KSR2: variants seen among roughly 807,000 people sequenced by gnomAD.
KSR2 encodes the protein kinase suppressor of ras 2.
In KSR2, 25 loss-of-function variants were observed where a neutral mutation model predicts 107.8. That is an observed-to-expected ratio of 0.23 (90% CI 0.17 to 0.32). The LOEUF is 0.32. Among genes scored for constraint, KSR2 ranks in the 10% least tolerant of loss-of-function variants. The probability of loss-of-function intolerance (pLI) is 1.00; values close to 1 mark genes in which losing one functional copy is unlikely to be tolerated. For missense variants in KSR2, 887 were observed against 1,268.9 expected (o/e 0.70, Z 4.57); for synonymous variants, 480 against 507.0 (o/e 0.95, Z 0.71).
chr12:117,629,650 T>C (rs1882714815), intron 5 of KSR2, among the ~76,000 whole-genome samples: 1 of 152,214 alleles, frequency 6.6e-6, no homozygotes, highest in Admixed American at 6.5e-5. Context: ...ACTCTTCCTG[T>C]TCCTGACATC....
At chr12:117,660,924 G>C (rs1381915770) in intron 5 of KSR2, among the ~76,000 whole-genome samples, 1 of 152,208 alleles carries the variant, frequency 6.6e-6, no homozygotes, top group Non-Finnish European at 1.5e-5. Context: ...GGAAGGCTGA[G>C]GGCTGGGCTC....
chr12:117,888,170 T>C lies in KSR2; in HGVS notation c.181-27739A>G, dbSNP rs118107937. On this transcript the variant is annotated intron_variant, in intron 1 of 19. Coordinates refer to ENST00000339824, the MANE Select transcript of KSR2 (RefSeq NM_173598.6). ...CATTCTTCAGTTTTCATTTAGATAT[T>C]TGATCTTCAGTTTTTACGTAGGGCA... 3.3e-3 allele frequency among the ~76,000 whole-genome samples: 496 copies of C among 152,328 alleles called. 11 individuals carry two copies. In the East Asian group the frequency reaches 0.042, roughly 13 times the overall value.
intron 5 of KSR2, among the ~76,000 whole-genome samples, chr12:117,583,146 T>C (rs938694498): frequency 6.6e-6 from 1 of 151,606 alleles, no homozygotes; most frequent in African/African-American, 2.4e-5. Context: ...GATGGATGGA[T>C]AGGCGGGTGG....
At chr12:117,578,260 C>T (rs563030179) in intron 7 of KSR2, among the ~76,000 whole-genome samples, 1 of 152,074 alleles carries the variant, frequency 6.6e-6, no homozygotes, top group East Asian at 1.9e-4. Context: ...AATTACAAGG[C>T]TGGTTTAAAA....
Position 117,455,061 on chromosome 12 carries a change from A to AGAGAGAGAGAGAGAGG in KSR2, c.*12137_*12138insCCTCTCTCTCTCTCTC, listed in dbSNP as rs1870539810. 38 of 151,580 alleles carry AGAGAGAGAGAGAGAGG rather than the reference A, an allele frequency of 2.5e-4. No individual in the cohort carries two copies. The highest frequency in any genetic ancestry group is 3.4e-3 in the Middle Eastern group (1 of 294). The allele number at this position is 151,580 out of a possible 1,614,324, so 9.4% of individuals were successfully genotyped here. A position where few individuals can be genotyped will look rare whatever the true frequency, so the allele number is the denominator to read the frequency against. On this transcript the variant is annotated 3_prime_UTR_variant, in exon 20 of 20. Coordinates refer to ENST00000339824, the MANE Select transcript of KSR2 (RefSeq NM_173598.6). The stretch of plus-strand genomic sequence containing the variant: ...GAGAGAGAGAGAGAGAGAGAGAGAG[A>AGAGAGAGAGAGAGAGG]GAGAGAGAGAGGTCTGTAGAGCCAG...
chr12:117,963,410 A>T, intron 1 of KSR2, among the ~76,000 whole-genome samples: 1 of 152,212 alleles, frequency 6.6e-6, no homozygotes, highest in Non-Finnish European at 1.5e-5. Context: ...GATCAGCTGG[A>T]GCAACATAGC....
At chr12:117,896,876 G>A (rs1300324376) in intron 1 of KSR2, among the ~76,000 whole-genome samples, 1 of 152,172 alleles carries the variant, frequency 6.6e-6, no homozygotes, top group Non-Finnish European at 1.5e-5. Flanking sequence ...CTAATATGGA[G>A]TCAAGGAATG....
intron 4 of KSR2, among the ~76,000 whole-genome samples, chr12:117,719,224 C>G (rs1334756994): frequency 1.3e-5 from 2 of 152,130 alleles, no homozygotes; most frequent in African/African-American, 2.4e-5. Flanking sequence ...CTTTCCCCCC[C>G]TCCACCCCAG....
intron 3 of KSR2, among the ~76,000 whole-genome samples, chr12:117,777,745 T>G (rs1279381865): frequency 6.6e-6 from 1 of 152,122 alleles, no homozygotes; most frequent in Non-Finnish European, 1.5e-5. Context: ...AATATTAATT[T>G]TTGGCCAGGT....
At chr12:117,944,205 C>T (rs927130936) in intron 1 of KSR2, among the ~76,000 whole-genome samples, 1 of 151,874 alleles carries the variant, frequency 6.6e-6, no homozygotes, top group African/African-American at 2.4e-5. Flanking sequence ...GGAGAAAGCC[C>T]GTCTCTACTA....
intron 14 of KSR2, among the ~76,000 whole-genome samples, chr12:117,487,229 T>C (rs1189768430): frequency 6.6e-6 from 1 of 152,230 alleles, no homozygotes. Flanking sequence ...TACAAATATA[T>C]ATAAGTGATA....
Position 117,968,891 on chromosome 12 carries a change from CGCTGCTGCTGCT to C in KSR2, c.-648_-637del. ...GCGGCTGGCTGCTGTCTCCTCCCCG[CGCTGCTGCTGCT>C]GCTGCTGCTGCCGCCGCCGGGCTCC... On this transcript the variant is annotated 5_prime_UTR_variant, in exon 1 of 20. Transcript: ENST00000339824. 1 of 247,486 alleles carries C rather than the reference CGCTGCTGCTGCT, an allele frequency of 4.0e-6. No homozygotes were observed. The highest frequency in any genetic ancestry group is 5.0e-5 in the Admixed American group (1 of 20,022). 15.3% of individuals were successfully genotyped at this position (247,486 alleles called of 1,614,324 possible).
intron 8 of KSR2, among the ~76,000 whole-genome samples, chr12:117,557,919 C>T (rs1434085344): frequency 6.6e-6 from 1 of 152,128 alleles, no homozygotes; most frequent in Non-Finnish European, 1.5e-5. Context: ...CAGGAAAAAG[C>T]CTTTCCTTCT....
At chr12:117,652,746 T>G (rs933484632) in intron 5 of KSR2, among the ~76,000 whole-genome samples, 2 of 152,258 alleles carry the variant, frequency 1.3e-5, no homozygotes, top group East Asian at 1.9e-4. Flanking sequence ...GCTGACACAT[T>G]CCAGGGGACC....
intron 3 of KSR2, among the ~76,000 whole-genome samples, chr12:117,822,936 AAG>A (rs1405776489): frequency 6.6e-6 from 1 of 152,252 alleles, no homozygotes; most frequent in Admixed American, 6.5e-5. Flanking sequence ...GGGTTATCCC[AAG>A]AGAAAACAGA....
intron 1 of KSR2, among the ~76,000 whole-genome samples, chr12:117,863,974 A>C (rs963626553): frequency 6.6e-6 from 1 of 151,998 alleles, no homozygotes; most frequent in Admixed American, 6.6e-5. Flanking sequence ...TCCCCATTTC[A>C]AGATCCTTAT....
chr12:117,554,926 G>A (rs1264739106), intron 9 of KSR2, among the ~76,000 whole-genome samples: 2 of 152,124 alleles, frequency 1.3e-5, no homozygotes, highest in Non-Finnish European at 2.9e-5. Context: ...TGCCTTCCTG[G>A]ACACCCTCAT....
intron 5 of KSR2, among the ~76,000 whole-genome samples, chr12:117,616,748 T>C (rs930017028): frequency 9.9e-5 from 15 of 152,222 alleles, no homozygotes; most frequent in African/African-American, 3.4e-4. Context: ...TTGTTGTTGA[T>C]TCCAACAGTG....
At chr12:117,648,461 T>A (rs748105291) in intron 5 of KSR2, among the ~76,000 whole-genome samples, 3 of 152,222 alleles carry the variant, frequency 2.0e-5, no homozygotes, top group Admixed American at 2.0e-4. Flanking sequence ...TGGGGCTTCA[T>A]TTATGCATTC....
Sources: gnomAD v4.1 joint callset for allele counts (sites outside exome capture counted in the v4.1 genomes callset) on GRCh38, gnomAD v4.1.1 for gene constraint, MANE v1.5 for transcripts, NCBI Gene and HGNC (gene_info 2026-07-23, HGNC 2026-07-21) for gene names.